Variants in ZBTB46 observed in about 807,000 individuals in gnomAD.
ZBTB46 encodes zinc finger and BTB domain-containing protein 46.
Under a neutral mutation model 44.1 loss-of-function variants are expected in ZBTB46, and 8 were observed. The observed-to-expected ratio is 0.18, with a 90% CI of 0.11 to 0.33. ZBTB46 has a LOEUF of 0.33. ZBTB46 is among the 10% of genes least tolerant of loss of function. The probability of loss-of-function intolerance (pLI) is 1.00; values close to 1 mark genes in which losing one functional copy is unlikely to be tolerated. For missense variants in ZBTB46, 651 were observed against 847.7 expected (o/e 0.77, Z 2.88); for synonymous variants, 409 against 382.3 (o/e 1.07, Z -0.81).
At chr20:63,808,110 T>C (rs2092693594) in intron 1 of ZBTB46, 1 of 152,804 alleles carries the variant, frequency 6.5e-6, no homozygotes. Flanking sequence ...GTGGCGTGGA[T>C]GAGCAGCAGC....
At position 63,775,938 on chromosome 20, in the gene ZBTB46, G is replaced by A. The variant is rs1355859527; in HGVS notation, c.962C>T (p.Ala321Val). 3 of 1,581,908 alleles carry A rather than the reference G, an allele frequency of 1.9e-6. No individual in the cohort carries two copies. The African/African-American group carries it at 4.0e-5, about 21-fold the overall frequency. ...DSNADLSVTE[A>V]SSSDSRGERA... ...CTCTCCTCGGCTGTCGGAGCTGCTG[G>A]CTTCGGTGACGGACAGGTCCGCATC... Residue 321 changes from alanine (A) to valine (V), a missense_variant, in exon 3 of 5, where the codon GCC (alanine) becomes GTC (valine). Transcript: ENST00000245663.
At chr20:63,809,015 A>T (rs1385681614) in intron 1 of ZBTB46, among the ~76,000 whole-genome samples, 4 of 151,360 alleles carry the variant, frequency 2.6e-5, no homozygotes, top group Non-Finnish European at 4.4e-5. Context: ...AGAAAAAAAA[A>T]AAAGAAAGAA....
At chr20:63,765,076 C>T (rs28547048) in intron 3 of ZBTB46, among the ~76,000 whole-genome samples, 12 of 42,114 alleles carry the variant, frequency 2.8e-4, no homozygotes, top group Admixed American at 7.5e-4. Flanking sequence ...TGCATGTGTG[C>T]GTGTGCATGT....
chr20:63,831,304 G>GCGC (rs1555861313), upstream of ZBTB46: 1 of 137,970 alleles, frequency 7.2e-6, no homozygotes, highest in Admixed American at 7.0e-5. Context: ...CCCGCCGCCC[G>GCGC]CGCGCGCGCG....
intron 1 of ZBTB46, among the ~76,000 whole-genome samples, chr20:63,824,207 C>T (rs1432026006): frequency 6.6e-6 from 1 of 152,106 alleles, no homozygotes; most frequent in East Asian, 1.9e-4. Flanking sequence ...AGATTCCACA[C>T]TGAAATGGGA....
At chr20:63,801,310 G>A (rs1482522867) in intron 1 of ZBTB46, among the ~76,000 whole-genome samples, 2 of 152,206 alleles carry the variant, frequency 1.3e-5, no homozygotes, top group Non-Finnish European at 2.9e-5. Flanking sequence ...AGTGCTCTGT[G>A]TCTAGCTATC....
intron 1 of ZBTB46, among the ~76,000 whole-genome samples, chr20:63,804,791 C>T (rs112171034): frequency 0.044 from 6,656 of 151,588 alleles, 258 homozygotes; most frequent in Non-Finnish European, 0.054. Context: ...ACTCGGGAGG[C>T]TGAGGCAGGA....
At chr20:63,764,987 C>T (rs977990023) in intron 3 of ZBTB46, among the ~76,000 whole-genome samples, 1 of 151,924 alleles carries the variant, frequency 6.6e-6, no homozygotes, top group East Asian at 1.9e-4. Context: ...GGCGCGGTCT[C>T]GGCTCACTGC....
Position 63,752,952 on chromosome 20 carries a change from G to T in ZBTB46, c.1223-91C>A. On this transcript the variant is annotated intron_variant, in intron 3 of 4. Transcript: ENST00000245663. The surrounding 1 kb of genome is among the most constrained non-coding windows in gnomAD (Gnocchi z 5.6). ...CACGGCTGCACGCCGCAGCCCAGCA[G>T]CCAGGACGGGCTGTCTCCCACGGCC... The T allele has an allele frequency of 7.1e-7, 1 of 1,414,228 alleles. No individual in the cohort carries two copies. Among genetic ancestry groups the T allele is most frequent in the Non-Finnish European group, 9.5e-7 (1 of 1,057,754 alleles). The allele number at this position is 1,414,228 out of a possible 1,614,324, so 87.6% of individuals were successfully genotyped here.
chr20:63,829,870 A>G (rs1298255714), intron 1 of ZBTB46, among the ~76,000 whole-genome samples: 1 of 152,258 alleles, frequency 6.6e-6, no homozygotes, highest in Non-Finnish European at 1.5e-5. Flanking sequence ...CTCTGATAAT[A>G]GAGCCAATAT....
At chr20:63,813,461 A>AAT (rs1402678500) in intron 1 of ZBTB46, among the ~76,000 whole-genome samples, 5 of 147,948 alleles carry the variant, frequency 3.4e-5, no homozygotes, top group African/African-American at 7.4e-5. Context: ...AAAAAAAAAT[A>AAT]AATAAATAAA....
intron 1 of ZBTB46, chr20:63,808,093 G>GGACACTC (rs1601516444): frequency 6.6e-6 from 1 of 151,876 alleles, no homozygotes; most frequent in African/African-American, 2.4e-5. Flanking sequence ...TGAACGGACC[G>GGACACTC]ACGGAGGTGG....
chr20:63,803,735 T>C lies in ZBTB46; in HGVS notation c.-33-12945A>G, dbSNP rs1601507737. Among the ~76,000 whole-genome samples the C allele has an allele frequency of 6.6e-6, 1 of 151,908 alleles. No homozygotes were observed. The highest frequency in any genetic ancestry group is 1.9e-4 in the East Asian group (1 of 5,176). On this transcript the variant is annotated intron_variant, in intron 1 of 4. Coordinates refer to ENST00000245663, the MANE Select transcript of ZBTB46 (RefSeq NM_001369741.1). This position sits in a 1 kb window ranked among gnomAD's most constrained non-coding sequence, Gnocchi z 4.0. ...CCTTCTTTTTGTTTTTGTAATGGGGTCTCACTCTGTCCCCCAGGCTGGAGT... is the reference window on the plus strand; with the variant it reads ...CCTTCTTTTTGTTTTTGTAATGGGGCCTCACTCTGTCCCCCAGGCTGGAGT...
At chr20:63,757,707 T>C (rs2145787336) in intron 3 of ZBTB46, among the ~76,000 whole-genome samples, 1 of 152,300 alleles carries the variant, frequency 6.6e-6, no homozygotes, top group South Asian at 2.1e-4. Flanking sequence ...CCCTGACATC[T>C]GGGGTCTCCA....
intron 1 of ZBTB46, among the ~76,000 whole-genome samples, chr20:63,820,479 C>T (rs1282254922): frequency 6.6e-6 from 1 of 151,658 alleles, no homozygotes; most frequent in East Asian, 1.9e-4. Flanking sequence ...TCTTGTTGCC[C>T]AAGCTGGAGT....
chr20:63,792,656 C>A (rs1026253994), intron 1 of ZBTB46, among the ~76,000 whole-genome samples: 1 of 152,134 alleles, frequency 6.6e-6, no homozygotes, highest in Non-Finnish European at 1.5e-5. Context: ...GCTGGGACTA[C>A]AGACACCCGC....
upstream of ZBTB46, among the ~76,000 whole-genome samples, chr20:63,833,549 C>T (rs2092861534): frequency 6.6e-6 from 1 of 152,210 alleles, no homozygotes; most frequent in African/African-American, 2.4e-5. Flanking sequence ...CAAGTTCGTG[C>T]CGCTGCACTC....
chr20:63,806,822 G>C (rs528558202), intron 1 of ZBTB46, among the ~76,000 whole-genome samples: 1 of 149,584 alleles, frequency 6.7e-6, no homozygotes, highest in South Asian at 2.1e-4. Flanking sequence ...TCGCTCTGTC[G>C]GCCAGGATGG....
intron 4 of ZBTB46, among the ~76,000 whole-genome samples, chr20:63,749,477 C>T (rs2092137883): frequency 6.6e-6 from 1 of 152,230 alleles, no homozygotes; most frequent in Non-Finnish European, 1.5e-5. Flanking sequence ...GCTGGGACTA[C>T]AGGCACCCGC....
Sources: gnomAD v4.1 joint callset for allele counts (sites outside exome capture counted in the v4.1 genomes callset) on GRCh38, gnomAD v4.1.1 for gene constraint, Gnocchi (gnomAD v3.1) non-coding constraint, MANE v1.5 for transcripts, NCBI Gene and HGNC (gene_info 2026-07-23, HGNC 2026-07-21) for gene names.